FRG1: variants seen among roughly 807,000 people sequenced by gnomAD.
The protein encoded by FRG1 is protein FRG1.
In FRG1, 19 loss-of-function variants were observed where a neutral mutation model predicts 37.0. That is an observed-to-expected ratio of 0.51 (90% CI 0.36 to 0.75). The LOEUF (loss-of-function observed/expected upper bound fraction) is 0.75, where lower values mean the gene tolerates loss of function less well. Among genes scored for constraint, FRG1 ranks in the 30% least tolerant of loss-of-function variants. The pLI, the probability that FRG1 is intolerant of heterozygous loss-of-function variation, is 0.00. For synonymous variants in FRG1, 73 were observed against 96.5 expected, an observed-to-expected ratio of 0.76 and a Z score of 1.43; for missense variants, 243 against 301.4, an observed-to-expected ratio of 0.81 and a Z score of 1.44.
At chr4:189,949,951 A>G (rs986150599) in intron 2 of FRG1, among the ~76,000 whole-genome samples, 2 of 152,122 alleles carry the variant, frequency 1.3e-5, no homozygotes, top group African/African-American at 4.8e-5. Flanking sequence ...AAATACATGC[A>G]CCATTTTACC....
intron 1 of FRG1, among the ~76,000 whole-genome samples, chr4:189,941,360 G>A (rs1234208812): frequency 1.3e-5 from 2 of 152,180 alleles, no homozygotes; most frequent in African/African-American, 2.4e-5. Flanking sequence ...GCCTCTGCCT[G>A]GGGGGTCTGC....
At position 189,952,208 on chromosome 4, in the gene FRG1, A is replaced by G. The variant is rs532835147; in HGVS notation, c.180A>G (p.Ile60Met). 1.1e-5 allele frequency: 17 copies of G among 1,604,532 alleles called. No homozygotes were observed. In the East Asian group the frequency reaches 3.1e-4, roughly 30 times the overall value. The change falls in exon 3 of 9, where the codon ATA (isoleucine) becomes ATG (methionine). Residue 60 changes from isoleucine to methionine, a missense_variant. Physicochemically the swap from Ile to Met is conservative, Grantham distance 10. Coordinates refer to ENST00000226798, the MANE Select transcript of FRG1 (RefSeq NM_004477.3). ...VTNFGEISGT[I>M]AIEMDKGTYI... ...ACTTTGGTGAAATTTCAGGAACCATAGCCATTGAAATGGATAAGGGAACCT... is the reference window on the plus strand; with the variant it reads ...ACTTTGGTGAAATTTCAGGAACCATGGCCATTGAAATGGATAAGGGAACCT...
At chr4:189,943,543 A>T (rs1736408118) in intron 2 of FRG1, among the ~76,000 whole-genome samples, 1 of 152,234 alleles carries the variant, frequency 6.6e-6, no homozygotes, top group Admixed American at 6.5e-5. Flanking sequence ...ACATAATTTT[A>T]AAGGCCTAAT....
At chr4:189,951,737 C>G (rs1243900155) in intron 2 of FRG1, among the ~76,000 whole-genome samples, 1 of 152,074 alleles carries the variant, frequency 6.6e-6, no homozygotes, top group Non-Finnish European at 1.5e-5. Flanking sequence ...ATGATCATAG[C>G]TCACTATAAC....
intron 3 of FRG1, 144 bp from the exon 4 acceptor site, chr4:189,952,924 A>G: frequency 2.4e-6 from 3 of 1,265,250 alleles, no homozygotes; most frequent in South Asian, 2.0e-5. Flanking sequence ...GATTCCAAAG[A>G]TACAGTATTA....
At chr4:189,945,379 C>T (rs1263109376) in intron 2 of FRG1, among the ~76,000 whole-genome samples, 1 of 152,192 alleles carries the variant, frequency 6.6e-6, no homozygotes, top group East Asian at 1.9e-4. Context: ...GGTATGACGT[C>T]TGTAGGATCT....
chr4:189,942,390 C>G (rs1736348966), intron 1 of FRG1, among the ~76,000 whole-genome samples: 2 of 152,166 alleles, frequency 1.3e-5, no homozygotes, highest in African/African-American at 4.8e-5. Context: ...CATCCTCCCC[C>G]TCTCCTAGTC....
intron 1 of FRG1, among the ~76,000 whole-genome samples, chr4:189,942,571 T>C (rs886564157): frequency 7.2e-5 from 11 of 152,248 alleles, no homozygotes; most frequent in Non-Finnish European, 4.4e-5. Context: ...TATTCCATTG[T>C]ATGGATGTAT....
rs111248264 is a variant in FRG1, at chr4:189,947,129, G to A, written c.133+3857G>A. On this transcript the variant is annotated intron_variant, in intron 2 of 8. Transcript: ENST00000226798. Reference sequence around the variant, plus strand: ...CCTCGGCGGGATCCAGGCGTGAGCCGCGGTGCCCGGCCAGTTCAGTGTTCT... The same window carrying A: ...CCTCGGCGGGATCCAGGCGTGAGCCACGGTGCCCGGCCAGTTCAGTGTTCT... Among the ~76,000 whole-genome samples, 12 of 152,344 alleles carry A rather than the reference G, an allele frequency of 7.9e-5. No homozygotes were observed. The East Asian group carries it at 9.7e-4, about 12-fold the overall frequency.
intron 3 of FRG1, among the ~76,000 whole-genome samples, chr4:189,952,488 C>G (rs1182159452): frequency 6.6e-6 from 1 of 151,312 alleles, no homozygotes; most frequent in Non-Finnish European, 1.5e-5. Context: ...GAAAACATTC[C>G]GTATAGTTCC....
At chr4:189,962,513 T>C (rs1035620340) in intron 8 of FRG1, among the ~76,000 whole-genome samples, 2 of 152,196 alleles carry the variant, frequency 1.3e-5, no homozygotes, top group African/African-American at 4.8e-5. Context: ...ATTTTGATAA[T>C]CACCAGCCGC....
chr4:189,951,800 G>A (rs1429756705), intron 2 of FRG1, among the ~76,000 whole-genome samples: 3 of 152,106 alleles, frequency 2.0e-5, no homozygotes, highest in Non-Finnish European at 4.4e-5. Flanking sequence ...GAGTAGCTGA[G>A]ATTACAGGCA....
At chr4:189,955,759 G>T (rs1736955906) in intron 5 of FRG1, among the ~76,000 whole-genome samples, 1 of 152,162 alleles carries the variant, frequency 6.6e-6, no homozygotes, top group East Asian at 1.9e-4. Context: ...TTCTGTTTGT[G>T]TGAGAAGTAA....
intron 4 of FRG1, among the ~76,000 whole-genome samples, chr4:189,954,500 A>G (rs1323538234): frequency 6.6e-6 from 1 of 152,098 alleles, no homozygotes; most frequent in Admixed American, 6.5e-5. Context: ...TGTAATATAT[A>G]AGGTACAATG....
intron 2 of FRG1, among the ~76,000 whole-genome samples, chr4:189,947,711 T>C (rs1451348799): frequency 6.6e-6 from 1 of 152,238 alleles, no homozygotes; most frequent in African/African-American, 2.4e-5. Context: ...CCCCAGCCCT[T>C]GGCCACAGAC....
Position 189,957,601 on chromosome 4 carries a change from T to G in FRG1, c.537+99T>G, listed in dbSNP as rs1737040957. 9.5e-6 allele frequency: 10 copies of G among 1,051,478 alleles called. No individual in the cohort carries two copies. In the South Asian group the frequency reaches 1.4e-4, roughly 15 times the overall value. 65.1% of individuals were successfully genotyped at this position (1,051,478 alleles called of 1,614,324 possible). On this transcript the variant is annotated intron_variant, in intron 6 of 8. Coordinates refer to ENST00000226798, the MANE Select transcript of FRG1 (RefSeq NM_004477.3). ...GGTCATTTACTGTCACTTTAAAGAT[T>G]TACTTAATAGCTTTTTATAATGTGG...
chr4:189,948,454 T>G (rs1736619233), intron 2 of FRG1, among the ~76,000 whole-genome samples: 1 of 152,198 alleles, frequency 6.6e-6, no homozygotes, highest in Non-Finnish European at 1.5e-5. Flanking sequence ...TAATAGAAGG[T>G]CTGTGAAGGG....
intron 4 of FRG1, among the ~76,000 whole-genome samples, chr4:189,953,553 T>A (rs1418359967): frequency 6.6e-6 from 1 of 152,146 alleles, no homozygotes; most frequent in Non-Finnish European, 1.5e-5. Flanking sequence ...TTACAGTCAT[T>A]TTATAAAGTA....
chr4:189,961,831 T>G lies in FRG1; in HGVS notation c.639T>G (p.Phe213Leu). The G allele has an allele frequency of 6.7e-7, 1 of 1,488,738 alleles. No homozygotes were observed. The highest frequency in any genetic ancestry group is 9.2e-7 in the Non-Finnish European group (1 of 1,085,340). 92.2% of individuals were successfully genotyped at this position (1,488,738 alleles called of 1,614,324 possible). Residue 213 changes from phenylalanine to leucine, a missense_variant, in exon 8 of 9, where the codon TTT (phenylalanine) becomes TTG (leucine). Physicochemically the swap from Phe to Leu is conservative, Grantham distance 22. Transcript: ENST00000226798. Reference sequence around the variant, plus strand: ...GACATTTTCTTTACAGAAAGAAATTTCAGAGCTTCCAAGACCACAAACTTA... The same window carrying G: ...GACATTTTCTTTACAGAAAGAAATTGCAGAGCTTCCAAGACCACAAACTTA... ...KQCEINYVKK[F>L]QSFQDHKLKI...
Sources: allele counts gnomAD v4.1 joint callset (sites outside exome capture counted in the v4.1 genomes callset), GRCh38; gene constraint gnomAD v4.1.1; transcripts MANE v1.5; gene names NCBI Gene and HGNC (gene_info 2026-07-23, HGNC 2026-07-21).